The following MED13L variants were observed in gnomAD, a reference collection of about 807,000 sequenced individuals.
The protein encoded by MED13L is mediator of RNA polymerase II transcription subunit 13-like.
Under a neutral mutation model 220.9 loss-of-function variants are expected in MED13L, and 7 were observed. That is an observed-to-expected ratio of 0.03 (90% CI 0.02 to 0.06). MED13L has a LOEUF of 0.06. MED13L is among the 10% of genes least tolerant of loss of function. MED13L has a pLI of 1.00. For synonymous variants in MED13L, 1,011 were observed against 1,015.2 expected (o/e 1.00, Z 0.08); for missense variants, 1,965 against 2,760.5 (o/e 0.71, Z 6.46).
chr12:115,972,054 T>C (rs1306909675), intron 26 of MED13L, 24 bp downstream of exon 26: 2 of 1,612,408 alleles, frequency 1.2e-6, no homozygotes, highest in East Asian at 2.2e-5. Flanking sequence ...ATGTAATTAA[T>C]GACAATGACA....
At chr12:115,970,559 A>C in intron 27 of MED13L, 35 bp downstream of exon 27, 1 of 1,603,554 alleles carries the variant, frequency 6.2e-7, no homozygotes, top group Non-Finnish European at 8.5e-7. Context: ...GCCCTGCATG[A>C]AGGTGAGCAC....
At chr12:116,044,868 AACAAGCT>A (rs1881741163) in intron 4 of MED13L, among the ~76,000 whole-genome samples, 2 of 152,216 alleles carry the variant, frequency 1.3e-5, no homozygotes, top group African/African-American at 4.8e-5. Flanking sequence ...TGTATCAGCT[AACAAGCT>A]ACTGTCAACA....
chr12:116,213,363 A>G (rs545075508), intron 2 of MED13L, among the ~76,000 whole-genome samples: 1 of 151,676 alleles, frequency 6.6e-6, no homozygotes, highest in Admixed American at 6.6e-5. Context: ...AAATAATACT[A>G]CTAAAATTAT....
rs12230688 is a variant in MED13L at position 115,980,131 on chromosome 12, C to T, written c.5364+619G>A. On this transcript the variant is annotated intron_variant, in intron 23 of 30. Transcript: ENST00000281928. ...AACGCAAAGGATTTCTGATCTAAGACACAGATTAGCTTAGAAAAATAAAGA... is the reference window on the plus strand; with the variant it reads ...AACGCAAAGGATTTCTGATCTAAGATACAGATTAGCTTAGAAAAATAAAGA... Among the ~76,000 whole-genome samples the T allele has an allele frequency of 5.5e-4, 83 of 152,140 alleles. 1 individual carries two copies. The East Asian group carries it at 7.7e-3, about 14-fold the overall frequency.
At chr12:116,140,955 G>T (rs1403326316) in intron 2 of MED13L, among the ~76,000 whole-genome samples, 1 of 152,158 alleles carries the variant, frequency 6.6e-6, no homozygotes, top group Admixed American at 6.5e-5. Flanking sequence ...CTGTTGTGCT[G>T]TTTGTTTCCT....
chr12:116,095,524 T>C (rs1702681294), intron 4 of MED13L, among the ~76,000 whole-genome samples: 1 of 152,212 alleles, frequency 6.6e-6, no homozygotes, highest in African/African-American at 2.4e-5. Flanking sequence ...ATTAAGTCTC[T>C]GCTAGAAACT....
At chr12:115,996,852 T>C (rs575490170) in intron 15 of MED13L, among the ~76,000 whole-genome samples, 158 bp downstream of exon 15, 1 of 152,358 alleles carries the variant, frequency 6.6e-6, no homozygotes, top group South Asian at 2.1e-4. Context: ...CAAAAGACAC[T>C]ATTTAATATG....
rs1419300060 is a variant in MED13L, at chr12:115,960,033, G to C, written c.*1233C>G. The C allele has an allele frequency of 1.3e-5, 2 of 152,534 alleles. No homozygotes were observed. 9.4% of individuals were successfully genotyped at this position (152,534 alleles called of 1,614,324 possible). The stretch of plus-strand genomic sequence containing the variant: ...TTTCAAAGACAACCCTCTGGGCCAG[G>C]AATGAGGAGTCATAAAATACTTCAA... On this transcript the variant is annotated 3_prime_UTR_variant, in exon 31 of 31. Coordinates refer to ENST00000281928, the MANE Select transcript of MED13L (RefSeq NM_015335.5).
intron 2 of MED13L, among the ~76,000 whole-genome samples, chr12:116,118,478 T>C (rs573928592): frequency 3.4e-4 from 52 of 152,282 alleles, no homozygotes; most frequent in Admixed American, 1.2e-3. Flanking sequence ...CAATTTATCA[T>C]AAAAAATTAT....
chr12:116,001,212 T>C (rs1251204328), intron 14 of MED13L, among the ~76,000 whole-genome samples: 2 of 152,162 alleles, frequency 1.3e-5, no homozygotes, highest in Non-Finnish European at 2.9e-5. Context: ...GTTTCTGTTT[T>C]TTGAGATGGA....
At chr12:115,966,785 G>A (rs1876195191) in intron 28 of MED13L, among the ~76,000 whole-genome samples, 1 of 152,184 alleles carries the variant, frequency 6.6e-6, no homozygotes, top group Non-Finnish European at 1.5e-5. Context: ...TGCTGCAACT[G>A]ACACTTTTCT....
rs151282115 is a variant in MED13L at position 116,127,396 on chromosome 12, T to C, written c.311-15884A>G. Reference sequence around the variant, plus strand: ...TCATGATCTCAACTTTTCAGATGTGTGCTTAAATATCTGTAATGGAATAAA... The same window carrying C: ...TCATGATCTCAACTTTTCAGATGTGCGCTTAAATATCTGTAATGGAATAAA... On this transcript the variant is annotated intron_variant, in intron 2 of 30. Coordinates refer to ENST00000281928, the MANE Select transcript of MED13L (RefSeq NM_015335.5). 5.9e-5 allele frequency among the ~76,000 whole-genome samples: 9 copies of C among 152,334 alleles called. No homozygotes were observed. The East Asian group carries it at 1.7e-3, about 29-fold the overall frequency.
In MED13L at chr12:115,960,945, C is replaced by A. The variant is rs1875717075; in HGVS notation, c.*321G>T. ...ACACAGACTCTTGTGCAAAAGGACA[C>A]TGTCTCTTCTGTTTCCCGCTGAAAA... On this transcript the variant is annotated 3_prime_UTR_variant, in exon 31 of 31. Transcript: ENST00000281928. 1 of 391,894 alleles carries A rather than the reference C, an allele frequency of 2.6e-6. No homozygotes were observed. Among genetic ancestry groups the A allele is most frequent in the African/African-American group, 2.1e-5 (1 of 48,286 alleles). The allele number at this position is 391,894 out of a possible 1,614,324, so 24.3% of individuals were successfully genotyped here.
At chr12:116,012,695 A>G (rs1879487580) in intron 9 of MED13L, 102 bp downstream of exon 9, 2 of 861,658 alleles carry the variant, frequency 2.3e-6, no homozygotes, top group Non-Finnish European at 4.0e-6. Context: ...CTACTGGAGG[A>G]GAATGGAGAA....
At chr12:116,173,437 T>C (rs73200221) in intron 2 of MED13L, among the ~76,000 whole-genome samples, 1,791 of 152,320 alleles carry the variant, frequency 0.012, 18 homozygotes, top group Middle Eastern at 0.02. Flanking sequence ...TAGGACTTAC[T>C]GTATTTTAAT....
chr12:116,082,347 A>G (rs1871295538), intron 4 of MED13L, among the ~76,000 whole-genome samples: 1 of 152,336 alleles, frequency 6.6e-6, no homozygotes, highest in Middle Eastern at 3.4e-3. Flanking sequence ...AAATGAGTAA[A>G]TATGTCTCTA....
chr12:116,096,911 C>T (rs1043769298), intron 3 of MED13L, among the ~76,000 whole-genome samples, 159 bp from the exon 4 acceptor site: 7 of 151,920 alleles, frequency 4.6e-5, no homozygotes, highest in African/African-American at 1.2e-4. Context: ...TTATACTTTC[C>T]GAAAGAACTC....
chr12:116,013,680 A>G (rs192463480), intron 8 of MED13L, among the ~76,000 whole-genome samples: 9 of 152,372 alleles, frequency 5.9e-5, no homozygotes, highest in Admixed American at 4.6e-4. Context: ...TCGCCTACAT[A>G]TCACTGATAA....
intron 2 of MED13L, among the ~76,000 whole-genome samples, chr12:116,202,668 T>A (rs1240728028): frequency 6.6e-6 from 1 of 152,164 alleles, no homozygotes; most frequent in Non-Finnish European, 1.5e-5. Context: ...TACGCATTTT[T>A]AAATCTCCTG....
Sources: gnomAD v4.1 joint callset for allele counts (sites outside exome capture counted in the v4.1 genomes callset) on GRCh38, gnomAD v4.1.1 for gene constraint, MANE v1.5 for transcripts, NCBI Gene and HGNC (gene_info 2026-07-23, HGNC 2026-07-21) for gene names.